Variants in RHOBTB1 observed in about 807,000 individuals in gnomAD.
RHOBTB1 encodes the protein Rho related BTB domain containing 1, also known as rho-related BTB domain-containing protein 1.
A neutral mutation model predicts 71.6 loss-of-function variants in RHOBTB1; 40 were observed. The ratio of observed to expected loss-of-function variants is 0.56; its 90% CI spans 0.43 to 0.73. The LOEUF is 0.73. RHOBTB1 is among the 30% of genes least tolerant of loss of function. The probability of loss-of-function intolerance (pLI) is 0.00; values close to 1 mark genes in which losing one functional copy is unlikely to be tolerated. For synonymous variants in RHOBTB1, 319 were observed against 334.9 expected, an observed-to-expected ratio of 0.95 and a Z score of 0.52; for missense variants, 797 against 894.0, an observed-to-expected ratio of 0.89 and a Z score of 1.38.
At chr10:60,879,655 T>A (rs1354255556) in intron 7 of RHOBTB1, among the ~76,000 whole-genome samples, 3 of 152,160 alleles carry the variant, frequency 2.0e-5, no homozygotes, top group African/African-American at 7.2e-5. Flanking sequence ...GGTTATGAAC[T>A]TCTTAATTCT....
intron 2 of RHOBTB1, among the ~76,000 whole-genome samples, chr10:60,951,762 T>C (rs1331400714): frequency 1.4e-5 from 2 of 147,582 alleles, no homozygotes; most frequent in Non-Finnish European, 2.9e-5. Context: ...TTGTTAATAA[T>C]GGTAAATGGT....
rs2080761917 is a variant in RHOBTB1, at chr10:60,871,204, T to C, written c.*278A>G. The C allele has an allele frequency of 3.2e-6, 1 of 313,156 alleles. No homozygotes were observed. The allele number at this position is 313,156 out of a possible 1,614,324, so 19.4% of individuals were successfully genotyped here. A position where few individuals can be genotyped will look rare whatever the true frequency, so the allele number is the denominator to read the frequency against. On this transcript the variant is annotated 3_prime_UTR_variant, in exon 11 of 11. Coordinates refer to ENST00000337910, the MANE Select transcript of RHOBTB1 (RefSeq NM_014836.5). Reference sequence around the variant, plus strand: ...TTTCTTTGTATAAAAAGAAACAAAATAACAGACTAAAGTTTATTAAGCCTC... The same window carrying C: ...TTTCTTTGTATAAAAAGAAACAAAACAACAGACTAAAGTTTATTAAGCCTC...
chr10:60,880,007 A>G (rs558232152), intron 7 of RHOBTB1, among the ~76,000 whole-genome samples: 100 of 152,282 alleles, frequency 6.6e-4, no homozygotes, highest in African/African-American at 2.2e-3. Context: ...TTTGCATTGT[A>G]TTAGGTACCA....
chr10:60,930,998 A>ATTGAAGTC (rs3049597), intron 2 of RHOBTB1, among the ~76,000 whole-genome samples: 6,905 of 152,180 alleles, frequency 0.045, 265 homozygotes, highest in African/African-American at 0.099. Context: ...AGGAAGCAAT[A>ATTGAAGTC]TTGAAGTCTT....
At chr10:60,956,969 C>G (rs932212759) in intron 2 of RHOBTB1, among the ~76,000 whole-genome samples, 3 of 152,152 alleles carry the variant, frequency 2.0e-5, no homozygotes, top group African/African-American at 7.2e-5. Context: ...ACCAACATAT[C>G]GCTGTCTTGA....
rs753315710 is a variant in RHOBTB1 at position 60,871,489 on chromosome 10, A to G, written c.2084T>C (p.Val695Ala). 1.4e-5 allele frequency: 23 copies of G among 1,613,626 alleles called. No individual in the cohort carries two copies. The highest frequency in any genetic ancestry group is 9.3e-6 in the Non-Finnish European group (11 of 1,179,908). Residue 695 changes from valine to alanine, a missense_variant, in exon 11 of 11, where the codon GTG becomes GCG. Val to Ala is a moderately conservative substitution (Grantham distance 64). Transcript: ENST00000337910. ...KWCFWNSSPAVA is the reference protein window; with the variant it reads ...KWCFWNSSPAAA The stretch of plus-strand genomic sequence containing the variant: ...TTTTTTTTCTCTTCCTCTTCAGGCC[A>G]CTGCTGGAGATGAATTCCAGAAGCA...
downstream of RHOBTB1, among the ~76,000 whole-genome samples, chr10:60,864,469 G>A (rs908669647): frequency 2.6e-5 from 4 of 152,142 alleles, no homozygotes; most frequent in African/African-American, 9.7e-5. Flanking sequence ...AACTGAAAGA[G>A]CATATAAAAG....
chr10:60,880,716 C>T (rs996322124), intron 7 of RHOBTB1, among the ~76,000 whole-genome samples: 8 of 152,106 alleles, frequency 5.3e-5, no homozygotes, highest in East Asian at 1.9e-4. Flanking sequence ...ATCTGCAATA[C>T]ACAGATGTTG....
chr10:60,986,366 G>T (rs973566754), intron 1 of RHOBTB1, among the ~76,000 whole-genome samples: 31 of 145,850 alleles, frequency 2.1e-4, no homozygotes, highest in African/African-American at 7.4e-4. Context: ...TTGAGGATTT[G>T]AGGTGCTTTC....
At chr10:60,926,302 T>G (rs1024210965) in intron 2 of RHOBTB1, among the ~76,000 whole-genome samples, 4 of 152,060 alleles carry the variant, frequency 2.6e-5, no homozygotes, top group African/African-American at 7.2e-5. Context: ...ACCAAACACT[T>G]AAAGAAGAAT....
chr10:60,874,556 G>A (rs994848493), intron 9 of RHOBTB1, among the ~76,000 whole-genome samples: 7 of 152,302 alleles, frequency 4.6e-5, no homozygotes, highest in Admixed American at 4.6e-4. Context: ...GAAAACTCCA[G>A]AACAGCTGCA....
chr10:60,978,763 T>C (rs536974028), intron 2 of RHOBTB1, among the ~76,000 whole-genome samples: 2 of 152,314 alleles, frequency 1.3e-5, no homozygotes, highest in East Asian at 3.9e-4. Flanking sequence ...CTTTTTTTAA[T>C]AGAGCATTGT....
At position 60,964,783 on chromosome 10, in the gene RHOBTB1, C is replaced by G. The variant is rs2085901991; in HGVS notation, c.-62+21062G>C. 1.3e-5 allele frequency among the ~76,000 whole-genome samples: 2 copies of G among 151,968 alleles called. 1 individual carries two copies. Among genetic ancestry groups the G allele is most frequent in the South Asian group, 4.1e-4 (2 of 4,832 alleles). On this transcript the variant is annotated intron_variant, in intron 2 of 11. Coordinates refer to the RHOBTB1 transcript ENST00000357917. ...AAAATTTCCAAACTGTTACTTATTT[C>G]TGGGAAGAGAAGCTTCAATAATTTC... is the stretch of plus-strand genomic sequence containing the variant.
rs1304158305 is a variant in RHOBTB1 at position 60,871,211 on chromosome 10, C to T, written c.*271G>A. Reference sequence around the variant, plus strand: ...GTATAAAAAGAAACAAAATAACAGACTAAAGTTTATTAAGCCTCCTAACAA... The same window carrying T: ...GTATAAAAAGAAACAAAATAACAGATTAAAGTTTATTAAGCCTCCTAACAA... On this transcript the variant is annotated 3_prime_UTR_variant, in exon 11 of 11. Transcript: ENST00000337910. 6.1e-6 allele frequency: 2 copies of T among 326,804 alleles called. No homozygotes were observed. The highest frequency in any genetic ancestry group is 1.2e-4 in the South Asian group (1 of 8,512). 20.2% of individuals were successfully genotyped at this position (326,804 alleles called of 1,614,324 possible).
intron 1 of RHOBTB1, among the ~76,000 whole-genome samples, chr10:60,988,293 AT>A (rs1387167942): frequency 6.6e-6 from 1 of 152,096 alleles, no homozygotes; most frequent in African/African-American, 2.4e-5. Context: ...CTAAGATTTT[AT>A]TTTTTAAAAA....
chr10:60,895,857 G>A (rs2082139216), intron 4 of RHOBTB1, among the ~76,000 whole-genome samples: 2 of 152,258 alleles, frequency 1.3e-5, no homozygotes, highest in Admixed American at 1.3e-4. Flanking sequence ...CTAAAACCAA[G>A]TTTAACCAAA....
chr10:60,875,839 T>C (rs1175024110), intron 8 of RHOBTB1, among the ~76,000 whole-genome samples: 2 of 152,176 alleles, frequency 1.3e-5, no homozygotes, highest in Non-Finnish European at 2.9e-5. Context: ...AGCTAGGCCA[T>C]CTCTTGCCTT....
At chr10:60,953,364 G>C (rs532002955) in intron 2 of RHOBTB1, among the ~76,000 whole-genome samples, 42 of 152,198 alleles carry the variant, frequency 2.8e-4, no homozygotes, top group Non-Finnish European at 5.4e-4. Context: ...CTTGCTGAAG[G>C]CCCGGCTTCT....
rs145125995 is a variant in RHOBTB1 at position 60,872,265 on chromosome 10, G to A, written c.1841C>T (p.Ala614Val). 11 of 1,613,940 alleles carry A rather than the reference G, an allele frequency of 6.8e-6. No individual in the cohort carries two copies. In the African/African-American group the frequency reaches 1.3e-4, roughly 20 times the overall value. The change falls in exon 10 of 11, where the codon GCC (alanine) becomes GTC (valine). Residue 614 changes from alanine to valine, a missense_variant. Physicochemically the swap from Ala to Val is moderately conservative, Grantham distance 64. Coordinates refer to ENST00000337910, the MANE Select transcript of RHOBTB1 (RefSeq NM_014836.5). ...GGTGCAGATGTGGTGCAAACACCAG[G>A]CGGCCAACTGGTGGGCATTGTGAAA... ...AQFHNAHQLA[A>V]WCLHHICTNY...
Sources: allele counts gnomAD v4.1 joint callset (sites outside exome capture counted in the v4.1 genomes callset), GRCh38; gene constraint gnomAD v4.1.1; transcripts MANE v1.5; gene names NCBI Gene and HGNC (gene_info 2026-07-23, HGNC 2026-07-21).